Variants in SMC4 observed in about 807,000 individuals in gnomAD.
The protein encoded by SMC4 is structural maintenance of chromosomes 4.
Under a neutral mutation model 145.6 loss-of-function variants are expected in SMC4, and 87 were observed. The observed-to-expected ratio is 0.60, with a 90% CI of 0.50 to 0.71. The LOEUF (loss-of-function observed/expected upper bound fraction) is 0.71, where lower values mean the gene tolerates loss of function less well. Ranked by LOEUF, SMC4 falls within the 30% of genes least tolerant of loss-of-function variation. The probability of loss-of-function intolerance (pLI) is 0.00; values close to 1 mark genes in which losing one functional copy is unlikely to be tolerated. For synonymous variants in SMC4, 558 were observed against 500.7 expected (o/e 1.11, Z -1.53); for missense variants, 1,447 against 1,537.1 (o/e 0.94, Z 0.98).
chr3:160,408,081 A>G (rs1196699382), intron 5 of SMC4, among the ~76,000 whole-genome samples: 3 of 152,330 alleles, frequency 2.0e-5, no homozygotes, highest in Admixed American at 6.5e-5. Context: ...AAACCTCAGT[A>G]ATTTTAGGCC....
chr3:160,400,652 C>A, intron 1 of SMC4, 170 bp from the exon 2 acceptor site: 1 of 784,906 alleles, frequency 1.3e-6, no homozygotes, highest in Non-Finnish European at 1.9e-6. Context: ...CCAGTCCTGC[C>A]TTCTTGCCAC....
At chr3:160,429,315 A>G (rs1269171056) in intron 18 of SMC4, among the ~76,000 whole-genome samples, 2 of 152,174 alleles carry the variant, frequency 1.3e-5, no homozygotes, top group Non-Finnish European at 2.9e-5. Context: ...ACTTAGCAAA[A>G]TTAATTCTCT....
Position 160,420,789 on chromosome 3 carries a change from G to T in SMC4, c.1907G>T (p.Cys636Phe). The change falls in exon 13 of 24, where the codon TGT becomes TTT. Residue 636 changes from cysteine to phenylalanine, a missense_variant. Physicochemically the swap from Cys to Phe is radical, Grantham distance 205. Transcript: ENST00000357388. ...AAATACGACGTGGCTATATCATCCT[G>T]TTGTCATGCACTGGACTACATTGTT... is the stretch of plus-strand genomic sequence containing the variant. The part of the protein sequence containing the change: ...DEKYDVAISS[C>F]CHALDYIVVD... 1 of 1,613,880 alleles carries T rather than the reference G, an allele frequency of 6.2e-7. No individual in the cohort carries two copies. Among genetic ancestry groups the T allele is most frequent in the South Asian group, 1.1e-5 (1 of 91,010 alleles).
In SMC4 at chr3:160,419,373, C is replaced by A; in HGVS notation, c.1687C>A (p.Gln563Lys). The change falls in exon 12 of 24, where the codon CAA becomes AAA. Residue 563 changes from glutamine to lysine, a missense_variant. Physicochemically the swap from Gln to Lys is moderately conservative, Grantham distance 53 (BLOSUM62 1). Coordinates refer to ENST00000357388, the MANE Select transcript of SMC4 (RefSeq NM_001002800.3). ...QELKEKEKEL[Q>K]KLTQEETNFK... ...TCACTTTTAGAAAGAAAAAGAACTT[C>A]AAAAACTTACACAAGAAGAAACAAA... is the stretch of plus-strand genomic sequence containing the variant. The A allele has an allele frequency of 6.3e-7, 1 of 1,587,388 alleles. No homozygotes were observed. The highest frequency in any genetic ancestry group is 1.2e-5 in the South Asian group (1 of 85,330).
chr3:160,421,054 C>A (rs549249804), intron 13 of SMC4, among the ~76,000 whole-genome samples, 153 bp downstream of exon 13: 1 of 152,058 alleles, frequency 6.6e-6, no homozygotes, highest in Non-Finnish European at 1.5e-5. Context: ...CTCAGCCTCC[C>A]GAGTATCTGG....
intron 1 of SMC4, 108 bp from the exon 2 acceptor site, chr3:160,400,714 T>A (rs1714494145): frequency 7.7e-7 from 1 of 1,305,280 alleles, no homozygotes; most frequent in Admixed American, 4.0e-5. Context: ...CTAAGCGGAG[T>A]GTTAAGCGGG....
chr3:160,432,450 G>A lies in SMC4; in HGVS notation c.3465G>A (p.Leu1155=), dbSNP rs1482296087. 1 of 1,613,118 alleles carries A rather than the reference G, an allele frequency of 6.2e-7. No individual in the cohort carries two copies. The highest frequency in any genetic ancestry group is 8.5e-7 in the Non-Finnish European group (1 of 1,179,640). ...KLKENYQMLT[L]GGDAELELVD... The stretch of plus-strand genomic sequence containing the variant: ...AGGAAAATTACCAAATGCTTACTTT[G>A]GGAGGGGACGCCGAACTCGAGCTTG... The change falls in exon 22 of 24, where the codon TTG becomes TTA. Residue 1155 remains leucine, a synonymous_variant. Coordinates refer to ENST00000357388, the MANE Select transcript of SMC4 (RefSeq NM_001002800.3).
In SMC4 at chr3:160,413,589, A is replaced by T. The variant is rs775669808; in HGVS notation, c.1097A>T (p.Asn366Ile). 6.9e-7 allele frequency: 1 copy of T among 1,443,732 alleles called. No homozygotes were observed. The highest frequency in any genetic ancestry group is 2.2e-5 in the Admixed American group (1 of 44,988). The allele number at this position is 1,443,732 out of a possible 1,614,324, so 89.4% of individuals were successfully genotyped here. The stretch of plus-strand genomic sequence containing the variant: ...CTATCAAATGAAATGAAAGCTAAGA[A>T]TAAAGATGTAAAAGATACAGAAAAG... ...NILSNEMKAK[N>I]KDVKDTEKKL... is the part of the protein sequence containing the mutation. The change falls in exon 8 of 24, where the codon AAT (asparagine) becomes ATT (isoleucine). Residue 366 changes from asparagine to isoleucine, a missense_variant. Coordinates refer to ENST00000357388, the MANE Select transcript of SMC4 (RefSeq NM_001002800.3).
intron 18 of SMC4, among the ~76,000 whole-genome samples, chr3:160,429,956 C>T (rs1173592261): frequency 6.6e-6 from 1 of 151,918 alleles, no homozygotes; most frequent in African/African-American, 2.4e-5. Context: ...ACGTCATGGT[C>T]CCCCTGCCTC....
intron 13 of SMC4, among the ~76,000 whole-genome samples, chr3:160,422,704 A>G (rs1404051557): frequency 1.3e-5 from 2 of 152,018 alleles, no homozygotes; most frequent in African/African-American, 2.4e-5. Context: ...TGTTTTGGGT[A>G]TCATACCCAA....
chr3:160,409,364 T>C (rs939764667), intron 5 of SMC4, among the ~76,000 whole-genome samples: 3 of 131,930 alleles, frequency 2.3e-5, no homozygotes, highest in African/African-American at 8.5e-5. Context: ...AAAAAAAAAA[T>C]GCTCAACTCT....
Position 160,416,306 on chromosome 3 carries a change from C to T in SMC4, c.1328C>T (p.Thr443Ile). The T allele has an allele frequency of 1.3e-6, 2 of 1,598,234 alleles. No homozygotes were observed. Among genetic ancestry groups the T allele is most frequent in the East Asian group, 2.2e-5 (1 of 44,568 alleles). ...AGTAACAATATCATTAATGAAACAA[C>T]AACCAGAAACAATGCCCTCGAGAAG... is the stretch of plus-strand genomic sequence containing the variant. ...AKSNNIINET[T>I]TRNNALEKEK... The change falls in exon 10 of 24, where the codon ACA (threonine) becomes ATA (isoleucine). Residue 443 changes from threonine to isoleucine, a missense_variant. By Grantham distance (89) the Thr-to-Ile change is moderately conservative. Coordinates refer to ENST00000357388, the MANE Select transcript of SMC4 (RefSeq NM_001002800.3).
At chr3:160,428,703 T>C in intron 17 of SMC4, 50 bp from the exon 18 acceptor site, 1 of 1,492,954 alleles carries the variant, frequency 6.7e-7, no homozygotes, top group Non-Finnish European at 9.0e-7. Context: ...TAACAAATGA[T>C]GTTCATTAGC....
At chr3:160,412,231 CCTT>C (rs1716070133) in intron 6 of SMC4, 92 bp from the exon 7 acceptor site, 4 of 1,423,376 alleles carry the variant, frequency 2.8e-6, no homozygotes, top group African/African-American at 1.5e-5. Context: ...TGAACATTCT[CCTT>C]ATTAACTGTT....
chr3:160,401,192 T>C (rs1490609839), intron 2 of SMC4, among the ~76,000 whole-genome samples: 1 of 151,954 alleles, frequency 6.6e-6, no homozygotes, highest in Non-Finnish European at 1.5e-5. Context: ...ACGGGTTCAG[T>C]TGTGAATTTT....
At position 160,401,280 on chromosome 3, in the gene SMC4, G is replaced by T. The variant is rs533243354; in HGVS notation, c.139+315G>T. 1.3e-4 allele frequency among the ~76,000 whole-genome samples: 20 copies of T among 152,068 alleles called. 1 individual carries two copies. In the South Asian group the frequency reaches 3.5e-3, roughly 27 times the overall value. Reference sequence around the variant, plus strand: ...ATTGTATTCCCGCTAAAATCGAGACGGTCAATCAAGAGAGCAAGTGGACTT... The same window carrying T: ...ATTGTATTCCCGCTAAAATCGAGACTGTCAATCAAGAGAGCAAGTGGACTT... On this transcript the variant is annotated intron_variant, in intron 2 of 23. Transcript: ENST00000357388.
intron 13 of SMC4, 45 bp downstream of exon 13, chr3:160,420,946 T>C: frequency 1.3e-6 from 2 of 1,521,052 alleles, no homozygotes; most frequent in South Asian, 1.2e-5. Context: ...TTTTTTTTTT[T>C]TGAGACGTAG....
At chr3:160,410,631 C>T (rs1252389919) in intron 5 of SMC4, among the ~76,000 whole-genome samples, 2 of 152,102 alleles carry the variant, frequency 1.3e-5, no homozygotes, top group Admixed American at 6.5e-5. Context: ...TGCTTATAGA[C>T]TGTCAGAAGT....
In SMC4 at chr3:160,414,347, C is replaced by G. The variant is rs545167463; in HGVS notation, c.1122-20C>G. On this transcript the variant is annotated intron_variant, in intron 8 of 23. Coordinates refer to ENST00000357388, the MANE Select transcript of SMC4 (RefSeq NM_001002800.3). ...TGTGCACATTCAAAATAATGACTTA[C>G]AATATACTTGCTTTGCTAGGAAACT... The G allele has an allele frequency of 6.4e-7, 1 of 1,570,078 alleles. No homozygotes were observed. The highest frequency in any genetic ancestry group is 8.8e-7 in the Non-Finnish European group (1 of 1,141,996).
Sources: allele counts gnomAD v4.1 joint callset (sites outside exome capture counted in the v4.1 genomes callset), GRCh38; gene constraint gnomAD v4.1.1; transcripts MANE v1.5; gene names NCBI Gene and HGNC (gene_info 2026-07-23, HGNC 2026-07-21).